PHLPP1: variants seen among roughly 807,000 people sequenced by gnomAD.
The protein encoded by PHLPP1 is PH domain and leucine rich repeat protein phosphatase 1.
Under a neutral mutation model 117.2 loss-of-function variants are expected in PHLPP1, and 42 were observed. The ratio of observed to expected loss-of-function variants is 0.36; its 90% CI spans 0.28 to 0.46. The LOEUF (loss-of-function observed/expected upper bound fraction) is 0.46. Ranked by LOEUF, PHLPP1 falls within the 20% of genes least tolerant of loss-of-function variation. The probability of loss-of-function intolerance (pLI) is 1.00; values close to 1 mark genes in which losing one functional copy is unlikely to be tolerated. For synonymous variants in PHLPP1, 1,042 were observed against 970.7 expected (o/e 1.07, Z -1.37); for missense variants, 2,084 against 2,241.9 (o/e 0.93, Z 1.42).
At chr18:62,961,448 A>T (rs955037520) in intron 13 of PHLPP1, among the ~76,000 whole-genome samples, 70 of 149,744 alleles carry the variant, frequency 4.7e-4, no homozygotes, top group African/African-American at 1.6e-3. Flanking sequence ...GTTAAGAGTT[A>T]TTTTTTTTTT....
intron 1 of PHLPP1, among the ~76,000 whole-genome samples, chr18:62,752,971 A>G (rs969600138): frequency 1.3e-5 from 2 of 152,236 alleles, no homozygotes; most frequent in African/African-American, 4.8e-5. Context: ...GTGCCATATT[A>G]CTACTGTGAC....
intron 13 of PHLPP1, among the ~76,000 whole-genome samples, chr18:62,960,095 G>A (rs547913216): frequency 3.5e-4 from 53 of 152,126 alleles, no homozygotes; most frequent in African/African-American, 1.1e-3. Flanking sequence ...TTTTTTATAC[G>A]TAGGATACAA....
chr18:62,850,721 A>G (rs1412763168), intron 3 of PHLPP1, among the ~76,000 whole-genome samples: 3 of 152,162 alleles, frequency 2.0e-5, no homozygotes, highest in Admixed American at 6.5e-5. Context: ...GAAGGGAGAT[A>G]ACTGTTAGAG....
chr18:62,738,868 A>G (rs1251500601), intron 1 of PHLPP1, among the ~76,000 whole-genome samples: 1 of 152,222 alleles, frequency 6.6e-6, no homozygotes, highest in Non-Finnish European at 1.5e-5. Context: ...AGACTACTGT[A>G]TGTCCTGCAT....
Position 62,958,760 on chromosome 18 carries a change from G to C in PHLPP1, c.3455+1G>C. 6.2e-7 allele frequency: 1 copy of C among 1,613,916 alleles called. No individual in the cohort carries two copies. The highest frequency in any genetic ancestry group is 8.5e-7 in the Non-Finnish European group (1 of 1,179,838). On this transcript the variant is annotated splice_donor_variant, in intron 13 of 16. Transcript: ENST00000262719. LOFTEE classifies it high-confidence loss of function. ...ATCACAAAACCCTGGAACTACTGAA[G>C]TAAGTATTCTGTAAAGCACTGTATC...
At chr18:62,872,107 A>G (rs73458296) in intron 4 of PHLPP1, among the ~76,000 whole-genome samples, 5,050 of 152,302 alleles carry the variant, frequency 0.033, 304 homozygotes, top group African/African-American at 0.12. Flanking sequence ...AGGCATTAGC[A>G]GGAGAAAAGT....
intron 1 of PHLPP1, among the ~76,000 whole-genome samples, chr18:62,808,718 A>AT (rs1283841525): frequency 4.6e-5 from 7 of 151,832 alleles, no homozygotes; most frequent in East Asian, 1.9e-4. Flanking sequence ...AGCCCGGCTA[A>AT]TTTTTTTATA....
At position 62,833,552 on chromosome 18, in the gene PHLPP1, A is replaced by G. The variant is rs74641238; in HGVS notation, c.1773+3321A>G. Among the ~76,000 whole-genome samples the G allele has an allele frequency of 3.9e-3, 593 of 152,288 alleles. 6 individuals carry two copies. Among genetic ancestry groups the G allele is most frequent in the African/African-American group, 0.014 (561 of 41,552 alleles). ...TAGCCCTAGAAGGATTCACTGTCCT[A>G]GAATGTATATTCCTCATTTTTTCCT... On this transcript the variant is annotated intron_variant, in intron 2 of 16. Transcript: ENST00000262719.
At chr18:62,749,648 T>G (rs1322519135) in intron 1 of PHLPP1, among the ~76,000 whole-genome samples, 2 of 152,210 alleles carry the variant, frequency 1.3e-5, no homozygotes, top group East Asian at 1.9e-4. Flanking sequence ...ACCTTCTCCC[T>G]TTGTCCTCAC....
At chr18:62,844,008 T>A (rs1057275869) in intron 3 of PHLPP1, among the ~76,000 whole-genome samples, 18 of 152,188 alleles carry the variant, frequency 1.2e-4, no homozygotes, top group African/African-American at 3.6e-4. Flanking sequence ...TAGTTTTAAT[T>A]TAAAAGTTTA....
chr18:62,746,684 T>C (rs1911684296), intron 1 of PHLPP1, among the ~76,000 whole-genome samples: 1 of 152,018 alleles, frequency 6.6e-6, no homozygotes, highest in Non-Finnish European at 1.5e-5. Context: ...AGATGTGATT[T>C]TTTTTTTTTT....
intron 4 of PHLPP1, among the ~76,000 whole-genome samples, chr18:62,864,608 G>A (rs1366032768): frequency 6.6e-6 from 1 of 152,302 alleles, no homozygotes; most frequent in East Asian, 1.9e-4. Context: ...GAGTACAACA[G>A]CAATATATTC....
rs1010406648 is a variant in PHLPP1 at position 62,945,090 on chromosome 18, T to C, written c.3162-19T>C. ...CTATATTATTTTCTTTTAAATTGCT[T>C]TATTTTCTCTTTTTTTAGTAAAATG... is the stretch of plus-strand genomic sequence containing the variant. On this transcript the variant is annotated intron_variant, in intron 11 of 16. Transcript: ENST00000262719. 5 of 1,540,916 alleles carry C rather than the reference T, an allele frequency of 3.2e-6. No individual in the cohort carries two copies. The highest frequency in any genetic ancestry group is 2.8e-5 in the African/African-American group (2 of 71,534).
intron 1 of PHLPP1, among the ~76,000 whole-genome samples, chr18:62,812,281 A>G (rs1002500627): frequency 6.6e-6 from 1 of 152,174 alleles, no homozygotes; most frequent in Non-Finnish European, 1.5e-5. Context: ...TTATGTACTT[A>G]GGAGTGTGTG....
intron 13 of PHLPP1, 73 bp downstream of exon 13, chr18:62,958,832 G>A: frequency 1.3e-6 from 2 of 1,539,096 alleles, no homozygotes; most frequent in Non-Finnish European, 1.8e-6. Flanking sequence ...AGTGAAAATG[G>A]GAAACAAAAT....
intron 1 of PHLPP1, among the ~76,000 whole-genome samples, chr18:62,798,875 A>G (rs1203857202): frequency 1.3e-5 from 2 of 152,120 alleles, no homozygotes; most frequent in Non-Finnish European, 2.9e-5. Context: ...TCCACTAGAT[A>G]CCTGTGAAAA....
chr18:62,777,183 C>T (rs963480992), intron 1 of PHLPP1, among the ~76,000 whole-genome samples: 4 of 152,130 alleles, frequency 2.6e-5, no homozygotes, highest in African/African-American at 9.7e-5. Flanking sequence ...TTGAAAGTTC[C>T]AAATGCTCTA....
intron 1 of PHLPP1, among the ~76,000 whole-genome samples, chr18:62,806,690 A>G (rs1010869966): frequency 1.3e-5 from 2 of 152,196 alleles, no homozygotes; most frequent in South Asian, 2.1e-4. Flanking sequence ...GTTGTTTGCA[A>G]TGTTGAAATT....
chr18:62,798,273 A>G (rs1337160434), intron 1 of PHLPP1, among the ~76,000 whole-genome samples: 2 of 152,178 alleles, frequency 1.3e-5, no homozygotes, highest in Non-Finnish European at 1.5e-5. Flanking sequence ...AATTGGTATT[A>G]TGTTTTATAA....
Sources: allele counts gnomAD v4.1 joint callset (sites outside exome capture counted in the v4.1 genomes callset), GRCh38; gene constraint gnomAD v4.1.1; transcripts MANE v1.5; gene names NCBI Gene and HGNC (gene_info 2026-07-23, HGNC 2026-07-21).